FSTL4: variants seen among roughly 807,000 people sequenced by gnomAD.
FSTL4 encodes the protein follistatin like 4, also known as follistatin-related protein 4.
Under a neutral mutation model 78.2 loss-of-function variants are expected in FSTL4, and 28 were observed. The observed-to-expected ratio is 0.36, with a 90% CI of 0.27 to 0.49. FSTL4 has a LOEUF of 0.49. Among genes scored for constraint, FSTL4 ranks in the 20% least tolerant of loss-of-function variants. The pLI, the probability that FSTL4 is intolerant of heterozygous loss-of-function variation, is 0.98. For synonymous variants in FSTL4, 422 were observed against 440.5 expected (o/e 0.96, Z 0.53); for missense variants, 922 against 1,084.9 (o/e 0.85, Z 2.11).
intron 3 of FSTL4, chr5:133,458,094 T>C (rs1757527231): frequency 6.6e-6 from 1 of 152,202 alleles, no homozygotes; most frequent in Non-Finnish European, 1.5e-5. Context: ...TTTAAAAATG[T>C]CATGATAATA....
chr5:133,354,488 C>T (rs1313975569), intron 4 of FSTL4, among the ~76,000 whole-genome samples: 1 of 152,192 alleles, frequency 6.6e-6, no homozygotes, highest in African/African-American at 2.4e-5. Context: ...CCTGGAGAGC[C>T]TTGGTGGCCC....
chr5:133,199,713 C>T lies in FSTL4; in HGVS notation c.1911G>A (p.Leu637=), dbSNP rs947974542. Residue 637 remains leucine (L), a synonymous_variant, in exon 16 of 16, where the codon CTG becomes CTA. Coordinates refer to ENST00000265342, the MANE Select transcript of FSTL4 (RefSeq NM_015082.2). The surrounding 1 kb of genome is among the most constrained non-coding windows in gnomAD (Gnocchi z 4.4). ...ETMMPLKTIG[L]HHHGCVPQAM... The stretch of plus-strand genomic sequence containing the variant: ...CCTGGGGCACGCAGCCATGGTGGTG[C>T]AGGCCGATGGTCTTGAGGGGCATCA... 1.9e-6 allele frequency: 3 copies of T among 1,612,454 alleles called. No homozygotes were observed. The African/African-American group carries it at 4.0e-5, about 22-fold the overall frequency.
At chr5:133,369,423 C>T (rs191948208) in intron 4 of FSTL4, among the ~76,000 whole-genome samples, 175 of 152,278 alleles carry the variant, frequency 1.1e-3, no homozygotes, top group African/African-American at 4.1e-3. Context: ...TCTCATGCCA[C>T]TCACAGCAGA....
chr5:133,696,354 T>C, the FSTL4 span, among the ~76,000 whole-genome samples: 2 of 152,250 alleles, frequency 1.3e-5, no homozygotes, highest in Non-Finnish European at 2.9e-5. Context: ...GACCATCCTC[T>C]GGGCATCCGC....
At chr5:133,763,853 C>A in the FSTL4 span, among the ~76,000 whole-genome samples, 1 of 152,226 alleles carries the variant, frequency 6.6e-6, no homozygotes, top group Non-Finnish European at 1.5e-5. Context: ...CTGCTGACTG[C>A]CTTGTTCAGG....
At chr5:133,751,705 T>A in the FSTL4 span, among the ~76,000 whole-genome samples, 1 of 151,924 alleles carries the variant, frequency 6.6e-6, no homozygotes, top group Non-Finnish European at 1.5e-5. Context: ...TTATTGACTG[T>A]CTGAGAGGTG....
chr5:133,231,984 A>G (rs538686495), intron 8 of FSTL4, among the ~76,000 whole-genome samples: 2 of 152,248 alleles, frequency 1.3e-5, no homozygotes, highest in Non-Finnish European at 2.9e-5. Context: ...CGAAAGTAGC[A>G]TGCGGGAGTA....
At chr5:133,514,905 C>T (rs563077587) in intron 3 of FSTL4, among the ~76,000 whole-genome samples, 5 of 152,246 alleles carry the variant, frequency 3.3e-5, no homozygotes, top group South Asian at 4.2e-4. Context: ...TAAGGAAGCT[C>T]GTCTTTACTA....
chr5:133,824,773 G>T, the FSTL4 span, among the ~76,000 whole-genome samples: 1 of 152,032 alleles, frequency 6.6e-6, no homozygotes, highest in African/African-American at 2.4e-5. Context: ...GCAGGGGAGA[G>T]GTGGAGCCAG....
intron 13 of FSTL4, among the ~76,000 whole-genome samples, chr5:133,212,909 T>TATCA (rs1447188584): frequency 3.3e-5 from 5 of 151,724 alleles, no homozygotes; most frequent in African/African-American, 1.2e-4. Context: ...ACAATAAGAC[T>TATCA]ATCAGCAAAA....
chr5:133,743,990 C>G, the FSTL4 span, among the ~76,000 whole-genome samples: 1 of 152,222 alleles, frequency 6.6e-6, no homozygotes, highest in Non-Finnish European at 1.5e-5. Context: ...GCCCACGGCC[C>G]TAGGAGTGGC....
At chr5:133,682,235 G>C in the FSTL4 span, among the ~76,000 whole-genome samples, 1 of 152,242 alleles carries the variant, frequency 6.6e-6, no homozygotes, top group Non-Finnish European at 1.5e-5. Flanking sequence ...CTCTGAAGCA[G>C]AGAAAACTTG....
At chr5:133,712,353 G>A in the FSTL4 span, among the ~76,000 whole-genome samples, 2 of 152,182 alleles carry the variant, frequency 1.3e-5, no homozygotes, top group Non-Finnish European at 1.5e-5. Context: ...GAGAAGCAGC[G>A]TGGGCCCTCC....
chr5:133,227,276 C>A (rs971949984), intron 8 of FSTL4, among the ~76,000 whole-genome samples: 15 of 152,168 alleles, frequency 9.9e-5, no homozygotes, highest in Non-Finnish European at 1.9e-4. Context: ...AAGCCTGTCA[C>A]AAGTCAGGCC....
chr5:133,781,529 A>G, the FSTL4 span, among the ~76,000 whole-genome samples: 3 of 152,122 alleles, frequency 2.0e-5, no homozygotes, highest in Non-Finnish European at 4.4e-5. Flanking sequence ...ATTACCATTC[A>G]CAGTGAGACT....
intron 3 of FSTL4, among the ~76,000 whole-genome samples, chr5:133,508,471 G>T (rs1009683153): frequency 6.6e-6 from 1 of 152,196 alleles, no homozygotes; most frequent in Non-Finnish European, 1.5e-5. Context: ...CCACAAACAC[G>T]TGAATAAGGA....
chr5:133,416,018 C>T (rs957863409), intron 3 of FSTL4, among the ~76,000 whole-genome samples: 17 of 152,160 alleles, frequency 1.1e-4, no homozygotes, highest in South Asian at 1.0e-3. Flanking sequence ...GCAAGGAGCA[C>T]GTTTAACGCT....
chr5:133,530,154 G>C (rs1359411810), intron 3 of FSTL4, among the ~76,000 whole-genome samples: 1 of 152,214 alleles, frequency 6.6e-6, no homozygotes, highest in Non-Finnish European at 1.5e-5. Context: ...GACAGCTGGA[G>C]ACACCCTGGG....
the FSTL4 span, among the ~76,000 whole-genome samples, chr5:133,700,949 C>T: frequency 6.6e-6 from 1 of 152,236 alleles, no homozygotes; most frequent in Admixed American, 6.5e-5. Flanking sequence ...CCCCCACGGA[C>T]TTGAGAAGGA....
Sources: allele counts gnomAD v4.1 joint callset (sites outside exome capture counted in the v4.1 genomes callset), GRCh38; gene constraint gnomAD v4.1.1; non-coding constraint Gnocchi (gnomAD v3.1); transcripts MANE v1.5; gene names NCBI Gene and HGNC (gene_info 2026-07-23, HGNC 2026-07-21).